The following WDR27 variants were observed in gnomAD, a reference collection of about 807,000 sequenced individuals.
WDR27 encodes WD repeat domain 27.
In WDR27, 100 loss-of-function variants were observed where a neutral mutation model predicts 114.4. That is an observed-to-expected ratio of 0.87 (90% CI 0.74 to 1.03). WDR27 has a LOEUF of 1.03. WDR27 is among the 50% of genes least tolerant of loss of function. The pLI, the probability that WDR27 is intolerant of heterozygous loss-of-function variation, is 0.00. For missense variants in WDR27, 1,129 were observed against 1,092.9 expected, an observed-to-expected ratio of 1.03 and a Z score of -0.47; for synonymous variants, 449 against 423.1, an observed-to-expected ratio of 1.06 and a Z score of -0.75.
Position 169,578,487 on chromosome 6 carries a change from G to A in WDR27, c.2523+4349C>T, listed in dbSNP as rs1802825854. Among the ~76,000 whole-genome samples, 5 of 152,252 alleles carry A rather than the reference G, an allele frequency of 3.3e-5. 1 individual carries two copies. In the South Asian group the frequency reaches 1.0e-3, roughly 32 times the overall value. On this transcript the variant is annotated intron_variant, in intron 24 of 25. Coordinates refer to ENST00000448612, the MANE Select transcript of WDR27 (RefSeq NM_182552.5). ...TTAAAATAAATATTTAAATACGAAT[G>A]GCAGGAACAAGGTATTTTATCTTAT... is the stretch of plus-strand genomic sequence containing the variant.
intron 21 of WDR27, among the ~76,000 whole-genome samples, chr6:169,625,227 G>T (rs1814493250): frequency 6.6e-6 from 1 of 152,216 alleles, no homozygotes; most frequent in Admixed American, 6.5e-5. Flanking sequence ...GCCAGGACTG[G>T]GCTTGGACTA....
chr6:169,629,820 G>A (rs781293499), intron 21 of WDR27, among the ~76,000 whole-genome samples: 4 of 151,546 alleles, frequency 2.6e-5, no homozygotes, highest in Admixed American at 6.6e-5. Context: ...CCAGCTACTC[G>A]GGAGGCTGAG....
chr6:169,649,474 C>T (rs1346072209), intron 14 of WDR27, among the ~76,000 whole-genome samples, 199 bp from the exon 15 acceptor site: 1 of 151,990 alleles, frequency 6.6e-6, no homozygotes, highest in Non-Finnish European at 1.5e-5. Flanking sequence ...TCAGAGATGT[C>T]GCCCTGCTAC....
rs190242151 is a variant in WDR27 at position 169,690,737 on chromosome 6, G to A, written c.-7-1725C>T. Among the ~76,000 whole-genome samples the A allele has an allele frequency of 2.4e-3, 362 of 152,308 alleles. 2 individuals are homozygous for A. The highest frequency in any genetic ancestry group is 7.9e-3 in the African/African-American group (328 of 41,582). On this transcript the variant is annotated intron_variant, in intron 1 of 25. Transcript: ENST00000448612. ...GTGCTACTCATCAGCAGGACCTTCC[G>A]CTGCCTGCCTCCCAGCCCCTTGACT...
At chr6:169,621,366 ATG>A (rs1562719695) in intron 21 of WDR27, among the ~76,000 whole-genome samples, 1 of 151,102 alleles carries the variant, frequency 6.6e-6, no homozygotes, top group Admixed American at 6.6e-5. Context: ...ATACGCACAC[ATG>A]CATGCATGTA....
At chr6:169,625,006 C>T (rs934869049) in intron 21 of WDR27, among the ~76,000 whole-genome samples, 16 of 152,224 alleles carry the variant, frequency 1.1e-4, no homozygotes, top group Non-Finnish European at 2.9e-5. Flanking sequence ...CAAGATGCAA[C>T]TCCTGTTCTA....
At chr6:169,448,390 C>G in the WDR27 span, among the ~76,000 whole-genome samples, 31 of 80,356 alleles carry the variant, frequency 3.9e-4, no homozygotes, top group African/African-American at 1.6e-3. Flanking sequence ...GTCTCTGTCT[C>G]TATGTGTGTG....
chr6:169,638,655 C>A lies in WDR27; in HGVS notation c.1753G>T (p.Asp585Tyr). The A allele has an allele frequency of 6.2e-7, 1 of 1,602,046 alleles. No homozygotes were observed. Among genetic ancestry groups the A allele is most frequent in the Non-Finnish European group, 8.5e-7 (1 of 1,174,314 alleles). ...TGTPAVFSGHDGAVNAVCWSQ... is the reference protein window; with the variant it reads ...TGTPAVFSGHYGAVNAVCWSQ... ...CAGCACACGGCATTCACTGCCCCGTCGTGACCTAACAGGAATGACCACAGA... is the reference window on the plus strand; with the variant it reads ...CAGCACACGGCATTCACTGCCCCGTAGTGACCTAACAGGAATGACCACAGA... Residue 585 changes from aspartate to tyrosine, a missense_variant, in exon 18 of 26, where the codon GAC becomes TAC. Asp to Tyr is a radical substitution (Grantham distance 160, BLOSUM62 -3). Coordinates refer to ENST00000448612, the MANE Select transcript of WDR27 (RefSeq NM_182552.5).
At chr6:169,442,702 G>A in the WDR27 span, among the ~76,000 whole-genome samples, 1 of 152,108 alleles carries the variant, frequency 6.6e-6, no homozygotes, top group African/African-American at 2.4e-5. Flanking sequence ...GCACATAACC[G>A]AGTGGGACCA....
chr6:169,679,478 C>T (rs937687925), intron 2 of WDR27, among the ~76,000 whole-genome samples: 2 of 152,000 alleles, frequency 1.3e-5, no homozygotes, highest in Non-Finnish European at 2.9e-5. Context: ...AGATGTAATC[C>T]CCAGTGTTGG....
chr6:169,568,934 T>C (rs757765050), intron 25 of WDR27, among the ~76,000 whole-genome samples: 3 of 152,204 alleles, frequency 2.0e-5, no homozygotes, highest in Non-Finnish European at 4.4e-5. Flanking sequence ...CGTAGGGCTG[T>C]GGTGCCATAT....
chr6:169,538,301 G>A (rs1197933710), intron 25 of WDR27, among the ~76,000 whole-genome samples: 1 of 152,130 alleles, frequency 6.6e-6, no homozygotes, highest in African/African-American at 2.4e-5. Context: ...TCTGCTTAGA[G>A]TAGCATGAAA....
At chr6:169,518,974 T>TTCAAATTTCCACAAG (rs1470532820) in intron 25 of WDR27, among the ~76,000 whole-genome samples, 4 of 152,166 alleles carry the variant, frequency 2.6e-5, no homozygotes, top group Non-Finnish European at 4.4e-5. Flanking sequence ...CACTCTGAAG[T>TTCAAATTTCCACAAG]TCAAATTTCC....
intron 25 of WDR27, among the ~76,000 whole-genome samples, chr6:169,553,058 CTGTGTGTGTGTGTGTGTGTG>C (rs3033612): frequency 3.3e-5 from 1 of 30,136 alleles, no homozygotes; most frequent in South Asian, 1.5e-3. Context: ...CCTGGAGGGC[CTGTGTGTGTGTGTGTGTGTG>C]TGTGTGTGTG....
chr6:169,603,171 A>G (rs1808393086), intron 22 of WDR27, among the ~76,000 whole-genome samples: 1 of 147,610 alleles, frequency 6.8e-6, no homozygotes, highest in South Asian at 2.1e-4. Flanking sequence ...TTTTTTTGAG[A>G]CAGAGTCTCG....
chr6:169,602,047 CT>C (rs1373111598), intron 23 of WDR27, among the ~76,000 whole-genome samples, 171 bp downstream of exon 23: 6 of 152,206 alleles, frequency 3.9e-5, no homozygotes, highest in African/African-American at 1.4e-4. Context: ...GTAAAAACAT[CT>C]TTCATACCTC....
intron 25 of WDR27, among the ~76,000 whole-genome samples, chr6:169,521,620 T>TA (rs565680631): frequency 2.0e-5 from 3 of 152,146 alleles, no homozygotes; most frequent in African/African-American, 7.2e-5. Flanking sequence ...ACAGGTAACG[T>TA]AAAAAATATG....
chr6:169,658,024 A>G, intron 13 of WDR27: 1 of 357,374 alleles, frequency 2.8e-6, no homozygotes. Context: ...CCAGAGGAAC[A>G]GCGGTCAGTC....
At chr6:169,469,041 G>A (rs1368860326) in intron 25 of WDR27, among the ~76,000 whole-genome samples, 1 of 152,034 alleles carries the variant, frequency 6.6e-6, no homozygotes, top group Non-Finnish European at 1.5e-5. Context: ...CTCCTAAAAG[G>A]CCTATATCCA....
Sources: allele counts gnomAD v4.1 joint callset (sites outside exome capture counted in the v4.1 genomes callset), GRCh38; gene constraint gnomAD v4.1.1; transcripts MANE v1.5; gene names NCBI Gene and HGNC (gene_info 2026-07-23, HGNC 2026-07-21).